Variants in GRIK2 observed in about 807,000 individuals in gnomAD.
GRIK2 encodes glutamate receptor ionotropic, kainate 2.
In GRIK2, 32 loss-of-function variants were observed where a neutral mutation model predicts 100.3. That is an observed-to-expected ratio of 0.32 (90% confidence interval 0.24 to 0.43). The LOEUF (loss-of-function observed/expected upper bound fraction) is 0.43. Among genes scored for constraint, GRIK2 ranks in the 20% least tolerant of loss-of-function variants. The probability of loss-of-function intolerance (pLI) is 1.00; values close to 1 mark genes in which losing one functional copy is unlikely to be tolerated. For synonymous variants in GRIK2, 417 were observed against 389.4 expected (o/e 1.07, Z -0.83); for missense variants, 843 against 1,114.9 (o/e 0.76, Z 3.47).
At chr6:101,540,051 G>T (rs1775908957) in intron 2 of GRIK2, among the ~76,000 whole-genome samples, 1 of 151,694 alleles carries the variant, frequency 6.6e-6, no homozygotes, top group Non-Finnish European at 1.5e-5. Context: ...AGCTTGCCAT[G>T]AAAGGTCAGC....
intron 14 of GRIK2, among the ~76,000 whole-genome samples, chr6:101,999,841 C>T (rs1794840758): frequency 6.6e-6 from 1 of 151,814 alleles, no homozygotes; most frequent in African/African-American, 2.4e-5. Context: ...GGGAATTTTC[C>T]TTTCTTCTTT....
rs143676986 is a variant in GRIK2 at position 101,895,207 on chromosome 6, G to A, written c.1748+5344G>A. Reference sequence around the variant, plus strand: ...GAGTAAATCAAAGAATATTCAATGTGTTACATGCATAACATTTTTCTAAGT... The same window carrying A: ...GAGTAAATCAAAGAATATTCAATGTATTACATGCATAACATTTTTCTAAGT... On this transcript the variant is annotated intron_variant, in intron 12 of 16. Coordinates refer to ENST00000369134, the MANE Select transcript of GRIK2 (RefSeq NM_021956.5). 5.3e-4 allele frequency among the ~76,000 whole-genome samples: 81 copies of A among 151,772 alleles called. 1 individual carries two copies. Among genetic ancestry groups the A allele is most frequent in the Middle Eastern group, 6.8e-3 (2 of 294 alleles).
intron 2 of GRIK2, among the ~76,000 whole-genome samples, chr6:101,489,780 T>A (rs1284108042): frequency 6.8e-6 from 1 of 146,374 alleles, no homozygotes; most frequent in Admixed American, 6.8e-5. Context: ...TTGTGGATTA[T>A]GAAATCCCAG....
intron 2 of GRIK2, among the ~76,000 whole-genome samples, chr6:101,490,034 TTAAG>T (rs1377663072): frequency 3.4e-5 from 5 of 146,350 alleles, no homozygotes; most frequent in Non-Finnish European, 7.5e-5. Flanking sequence ...ATTAATCTAA[TTAAG>T]AGTATGTTCA....
At chr6:101,894,488 G>A (rs1049047103) in intron 12 of GRIK2, among the ~76,000 whole-genome samples, 1 of 151,624 alleles carries the variant, frequency 6.6e-6, no homozygotes. Context: ...GTAGCTCTTT[G>A]CTGACAGAGA....
At chr6:101,426,198 T>C (rs1018988141) in intron 2 of GRIK2, among the ~76,000 whole-genome samples, 2 of 152,304 alleles carry the variant, frequency 1.3e-5, no homozygotes, top group African/African-American at 4.8e-5. Context: ...GAGCCAGACC[T>C]CTGGGAGTAA....
chr6:101,913,572 T>C (rs1240427940), intron 12 of GRIK2, among the ~76,000 whole-genome samples: 2 of 151,534 alleles, frequency 1.3e-5, no homozygotes, highest in Admixed American at 6.6e-5. Context: ...GAAAATGATA[T>C]CAAATGGGCA....
chr6:101,398,162 T>G (rs1403768355), intron 1 of GRIK2, among the ~76,000 whole-genome samples: 1 of 152,148 alleles, frequency 6.6e-6, no homozygotes, highest in African/African-American at 2.4e-5. Context: ...ATATTCTGCC[T>G]CTTTAGGAAA....
chr6:101,915,359 A>G lies in GRIK2; in HGVS notation c.1749-9242A>G, dbSNP rs183834749. On this transcript the variant is annotated intron_variant, in intron 12 of 16. Transcript: ENST00000369134. ...GACTAAAAATTTTCAGGCTAAGAAG[A>G]TTGTTTATTATTCATTAAGAAAGTA... Among the ~76,000 whole-genome samples, 40 of 151,548 alleles carry G rather than the reference A, an allele frequency of 2.6e-4. No homozygotes were observed. The Middle Eastern group carries it at 0.01, about 39-fold the overall frequency.
chr6:102,029,276 G>A (rs1364247739), intron 14 of GRIK2, among the ~76,000 whole-genome samples: 7 of 151,138 alleles, frequency 4.6e-5, no homozygotes, highest in Admixed American at 4.6e-4. Flanking sequence ...AAAGACACTA[G>A]CCATTGTTAC....
chr6:101,701,060 A>G (rs1772859502), intron 7 of GRIK2, among the ~76,000 whole-genome samples: 1 of 152,146 alleles, frequency 6.6e-6, no homozygotes, highest in Non-Finnish European at 1.5e-5. Flanking sequence ...GATGATGGTA[A>G]TACCTTAAAG....
chr6:101,799,902 T>C, intron 8 of GRIK2, 111 bp downstream of exon 8: 2 of 819,854 alleles, frequency 2.4e-6, no homozygotes, highest in South Asian at 3.7e-5. Flanking sequence ...TTAATTTAAA[T>C]TTTCTCTCTT....
At chr6:101,718,685 G>C (rs1434325879) in intron 7 of GRIK2, among the ~76,000 whole-genome samples, 2 of 151,856 alleles carry the variant, frequency 1.3e-5, no homozygotes, top group Admixed American at 1.3e-4. Context: ...TTTTGTAACA[G>C]GTGAGGGCCT....
At chr6:101,743,953 T>C (rs1426237785) in intron 7 of GRIK2, among the ~76,000 whole-genome samples, 2 of 152,168 alleles carry the variant, frequency 1.3e-5, no homozygotes, top group Non-Finnish European at 2.9e-5. Flanking sequence ...GTAGTCTTTT[T>C]TTATTTTGAG....
chr6:101,573,009 G>T (rs111531914), intron 2 of GRIK2, among the ~76,000 whole-genome samples: 23,627 of 151,380 alleles, frequency 0.16, 2,237 homozygotes, highest in Middle Eastern at 0.26. Context: ...ACCATTCCCG[G>T]CTTATTTTTG....
At chr6:101,733,436 C>A (rs1206387239) in intron 7 of GRIK2, among the ~76,000 whole-genome samples, 1 of 152,132 alleles carries the variant, frequency 6.6e-6, no homozygotes, top group East Asian at 1.9e-4. Flanking sequence ...AGGCCTCCTT[C>A]ATTCTGTCTT....
At chr6:101,583,812 T>TGAAAGATGCTACCATCCTG (rs1014014358) in intron 2 of GRIK2, among the ~76,000 whole-genome samples, 1 of 152,104 alleles carries the variant, frequency 6.6e-6, no homozygotes, top group African/African-American at 2.4e-5. Context: ...GTCTTGTCCA[T>TGAAAGATGCTACCATCCTG]GAAAGATGCT....
chr6:101,915,599 A>G (rs1352742435), intron 12 of GRIK2, among the ~76,000 whole-genome samples: 1 of 151,378 alleles, frequency 6.6e-6, no homozygotes, highest in African/African-American at 2.4e-5. Context: ...ATAACTGCAC[A>G]GACGAAACTT....
At chr6:101,800,469 T>C (rs1780602789) in intron 8 of GRIK2, among the ~76,000 whole-genome samples, 1 of 152,048 alleles carries the variant, frequency 6.6e-6, no homozygotes, top group South Asian at 2.1e-4. Context: ...AGAATACTTT[T>C]CATAGATGAA....
Sources: gnomAD v4.1 joint callset for allele counts (sites outside exome capture counted in the v4.1 genomes callset) on GRCh38, gnomAD v4.1.1 for gene constraint, MANE v1.5 for transcripts, NCBI Gene and HGNC (gene_info 2026-07-23, HGNC 2026-07-21) for gene names.